The following CSMD3 variants were observed in gnomAD, a reference collection of about 807,000 sequenced individuals.
CSMD3 encodes CUB and Sushi multiple domains 3, also known as CUB and sushi domain-containing protein 3.
A neutral mutation model predicts 435.2 loss-of-function variants in CSMD3; 177 were observed. The ratio of observed to expected loss-of-function variants is 0.41; its 90% CI spans 0.36 to 0.46. The LOEUF is 0.46. CSMD3 is among the 20% of genes least tolerant of loss of function. CSMD3 has a pLI of 0.34. For synonymous variants in CSMD3, 1,656 were observed against 1,520.5 expected, an observed-to-expected ratio of 1.09 and a Z score of -2.07; for missense variants, 4,265 against 4,504.6, an observed-to-expected ratio of 0.95 and a Z score of 1.52.
At chr8:112,564,808 C>T (rs762883450) in intron 24 of CSMD3, among the ~76,000 whole-genome samples, 7 of 152,026 alleles carry the variant, frequency 4.6e-5, no homozygotes, top group Non-Finnish European at 8.8e-5. Flanking sequence ...GTCAGAAATG[C>T]TACTGATTAT....
intron 39 of CSMD3, among the ~76,000 whole-genome samples, 162 bp downstream of exon 39, chr8:112,352,254 A>G (rs1055367739): frequency 6.6e-6 from 1 of 152,112 alleles, no homozygotes; most frequent in Non-Finnish European, 1.5e-5. Flanking sequence ...AATTCCAGCA[A>G]TATTTCTCAT....
intron 3 of CSMD3, among the ~76,000 whole-genome samples, chr8:113,225,630 T>C (rs184341915): frequency 2.8e-4 from 42 of 151,646 alleles, no homozygotes; most frequent in African/African-American, 9.9e-4. Context: ...TGACAAGATA[T>C]TGTTAATTAC....
chr8:112,583,227 C>T (rs1314288332), intron 23 of CSMD3, among the ~76,000 whole-genome samples: 3 of 151,976 alleles, frequency 2.0e-5, no homozygotes, highest in Non-Finnish European at 2.9e-5. Flanking sequence ...AACTCTACTT[C>T]GTCCTTGAGT....
chr8:112,961,858 G>C (rs1210061938), intron 7 of CSMD3, among the ~76,000 whole-genome samples: 2 of 151,930 alleles, frequency 1.3e-5, no homozygotes, highest in African/African-American at 4.8e-5. Flanking sequence ...AGATGCACCT[G>C]CAATGCTTGG....
intron 27 of CSMD3, among the ~76,000 whole-genome samples, chr8:112,532,035 A>T (rs1013295723): frequency 2.0e-5 from 3 of 151,596 alleles, no homozygotes; most frequent in African/African-American, 4.8e-5. Flanking sequence ...TAAATAATTT[A>T]AAAAATCAAA....
At chr8:112,592,518 G>T (rs2131373900) in intron 22 of CSMD3, among the ~76,000 whole-genome samples, 1 of 151,840 alleles carries the variant, frequency 6.6e-6, no homozygotes, top group South Asian at 2.1e-4. Flanking sequence ...TGTTTTTAAT[G>T]CATTTTCTAT....
chr8:112,224,508 T>C lies in CSMD3; in HGVS notation c.*263A>G. 4.1e-6 allele frequency: 2 copies of C among 491,148 alleles called. No individual in the cohort carries two copies. Among genetic ancestry groups the C allele is most frequent in the South Asian group, 2.1e-5 (1 of 46,886 alleles). 30.4% of individuals were successfully genotyped at this position (491,148 alleles called of 1,614,324 possible). ...AATATATGCAAATAAGTTTATATTT[T>C]AGAATAATCTCCTTTTTAAAAAAAG... On this transcript the variant is annotated 3_prime_UTR_variant, in exon 71 of 71. Transcript: ENST00000297405.
intron 37 of CSMD3, among the ~76,000 whole-genome samples, chr8:112,381,658 C>T (rs1490863503): frequency 1.3e-5 from 2 of 152,110 alleles, no homozygotes; most frequent in Non-Finnish European, 2.9e-5. Flanking sequence ...CTTTTCTGGC[C>T]ATAGTGTGAT....
chr8:112,248,101 T>C (rs1342689767), intron 63 of CSMD3, among the ~76,000 whole-genome samples: 1 of 152,104 alleles, frequency 6.6e-6, no homozygotes, highest in Non-Finnish European at 1.5e-5. Context: ...GATCTCACTT[T>C]ACTTGAATAA....
chr8:113,316,795 C>G lies in CSMD3; in HGVS notation c.179-2002G>C, dbSNP rs1263587595. ...GAACTACTGACCTAAAGTAAACCACCCACCTCAGCCTCCAAAAATGCTGGA... is the reference window on the plus strand; with the variant it reads ...GAACTACTGACCTAAAGTAAACCACGCACCTCAGCCTCCAAAAATGCTGGA... On this transcript the variant is annotated intron_variant, in intron 1 of 70. Transcript: ENST00000297405. Among the ~76,000 whole-genome samples, 43 of 77,548 alleles carry G rather than the reference C, an allele frequency of 5.5e-4. No individual in the cohort carries two copies. The Admixed American group carries it at 7.3e-3, about 13-fold the overall frequency. 50.9% of individuals were successfully genotyped at this position (77,548 alleles called of 152,430 possible). A position where few individuals can be genotyped will look rare whatever the true frequency, so the allele number is the denominator to read the frequency against.
intron 5 of CSMD3, among the ~76,000 whole-genome samples, chr8:113,032,415 C>T (rs1428722002): frequency 6.6e-6 from 1 of 151,510 alleles, no homozygotes; most frequent in Non-Finnish European, 1.5e-5. Context: ...TCTTGCTATG[C>T]TTAGCAAAGA....
At chr8:112,751,439 A>T (rs2077567733) in intron 13 of CSMD3, among the ~76,000 whole-genome samples, 1 of 152,162 alleles carries the variant, frequency 6.6e-6, no homozygotes, top group South Asian at 2.1e-4. Context: ...AAATACTTAT[A>T]AGAATAAATA....
At chr8:113,165,069 A>T (rs2092123945) in intron 4 of CSMD3, among the ~76,000 whole-genome samples, 1 of 152,136 alleles carries the variant, frequency 6.6e-6, no homozygotes, top group Admixed American at 6.6e-5. Flanking sequence ...GCAGGAAGTT[A>T]GATGATTGCT....
At chr8:112,433,674 A>G (rs1159941290) in intron 32 of CSMD3, among the ~76,000 whole-genome samples, 2 of 129,154 alleles carry the variant, frequency 1.5e-5, no homozygotes, top group South Asian at 2.5e-4. Context: ...AAAAAAAAAG[A>G]AAGAAAGAAA....
At chr8:112,605,808 T>C (rs1235653654) in intron 22 of CSMD3, among the ~76,000 whole-genome samples, 1 of 152,158 alleles carries the variant, frequency 6.6e-6, no homozygotes, top group African/African-American at 2.4e-5. Flanking sequence ...AAAATACCTG[T>C]TTTCACGGCT....
Position 112,378,128 on chromosome 8 carries a change from T to C in CSMD3, c.6136+2224A>G, listed in dbSNP as rs1385303329. 4.0e-5 allele frequency among the ~76,000 whole-genome samples: 6 copies of C among 151,670 alleles called. No individual in the cohort carries two copies. The Admixed American group carries it at 4.0e-4, about 10-fold the overall frequency. On this transcript the variant is annotated intron_variant, in intron 38 of 70. Coordinates refer to ENST00000297405, the MANE Select transcript of CSMD3 (RefSeq NM_198123.2). ...TGACTCCACGGACCACACTGAGGTG[T>C]CATCTTGCCCCAGTTAAAGTGGATA... is the stretch of plus-strand genomic sequence containing the variant.
chr8:112,728,637 C>T (rs1325690807), intron 13 of CSMD3, among the ~76,000 whole-genome samples: 1 of 151,938 alleles, frequency 6.6e-6, no homozygotes, highest in Non-Finnish European at 1.5e-5. Context: ...ATGTATTTTG[C>T]CATGATACAA....
intron 3 of CSMD3, among the ~76,000 whole-genome samples, chr8:113,252,232 G>A (rs2093340805): frequency 6.6e-6 from 1 of 151,844 alleles, no homozygotes; most frequent in Non-Finnish European, 1.5e-5. Context: ...CTCCCTGATG[G>A]AATAAATACT....
intron 16 of CSMD3, among the ~76,000 whole-genome samples, chr8:112,679,281 G>A (rs1377276337): frequency 6.6e-6 from 1 of 152,086 alleles, no homozygotes; most frequent in African/African-American, 2.4e-5. Context: ...TTTGTTGGGT[G>A]GAAACTGGCT....
Sources: gnomAD v4.1 joint callset for allele counts (sites outside exome capture counted in the v4.1 genomes callset) on GRCh38, gnomAD v4.1.1 for gene constraint, MANE v1.5 for transcripts, NCBI Gene and HGNC (gene_info 2026-07-23, HGNC 2026-07-21) for gene names.